Variants in RBM47 observed in about 807,000 individuals in gnomAD.
RBM47 encodes the protein RNA-binding protein 47.
Under a neutral mutation model 47.1 loss-of-function variants are expected in RBM47, and 21 were observed. That is an observed-to-expected ratio of 0.45 (90% CI 0.32 to 0.64). The LOEUF (loss-of-function observed/expected upper bound fraction) is 0.64, where lower values mean the gene tolerates loss of function less well. Among genes scored for constraint, RBM47 ranks in the 30% least tolerant of loss-of-function variants. The pLI is 0.05. For missense variants in RBM47, 708 were observed against 870.9 expected (o/e 0.81, Z 2.35); for synonymous variants, 375 against 361.7 (o/e 1.04, Z -0.42).
chr4:40,521,202 T>G (rs1384944827), intron 2 of RBM47, among the ~76,000 whole-genome samples: 2 of 152,194 alleles, frequency 1.3e-5, no homozygotes, highest in Non-Finnish European at 2.9e-5. Context: ...TAATTTTAAT[T>G]TTTTTGTTGC....
Position 40,436,449 on chromosome 4 carries a change from G to C in RBM47, c.1322C>G (p.Pro441Arg), listed in dbSNP as rs1414131782. ...ATCTGCTTCATACTGACCTGTACCA[G>C]GTTTAATGGCAACTGGGTTGACGGT... ...IPTVNPVAIKPGTVAIPAIGA... is the reference protein window; with the variant it reads ...IPTVNPVAIKRGTVAIPAIGA... The change falls in exon 5 of 7, where the codon CCT (proline) becomes CGT (arginine). Residue 441 changes from proline to arginine, a missense_variant. Pro to Arg is a moderately radical substitution (Grantham distance 103). Coordinates refer to ENST00000295971, the MANE Select transcript of RBM47 (RefSeq NM_001098634.2). 6.2e-7 allele frequency: 1 copy of C among 1,613,410 alleles called. No homozygotes were observed. The highest frequency in any genetic ancestry group is 8.5e-7 in the Non-Finnish European group (1 of 1,179,950).
intron 1 of RBM47, among the ~76,000 whole-genome samples, chr4:40,589,321 A>G (rs1733906368): frequency 2.6e-5 from 4 of 152,170 alleles, no homozygotes; most frequent in Non-Finnish European, 5.9e-5. Flanking sequence ...GTGTAAAATG[A>G]TTGTTGAAAT....
chr4:40,603,056 GTCAACT>G (rs199741084), intron 1 of RBM47, among the ~76,000 whole-genome samples: 1,964 of 152,226 alleles, frequency 0.013, 42 homozygotes, highest in African/African-American at 0.045. Flanking sequence ...GTACTCCTCA[GTCAACT>G]TTAACAAACT....
intron 2 of RBM47, among the ~76,000 whole-genome samples, chr4:40,498,696 G>A (rs879585454): frequency 1.4e-5 from 2 of 145,476 alleles, no homozygotes; most frequent in African/African-American, 5.1e-5. Context: ...AAAAAAAATT[G>A]TTAAGTATGA....
rs548787690 is a variant in RBM47 at position 40,609,987 on chromosome 4, G to A, written c.-240+19409C>T. On this transcript the variant is annotated intron_variant, in intron 1 of 6. Coordinates refer to ENST00000295971, the MANE Select transcript of RBM47 (RefSeq NM_001098634.2). ...CATGCCTGTAATCCCAGCTATTCAG[G>A]AGGCTGAGGCAGGAGAATTGCTTGA... Among the ~76,000 whole-genome samples the A allele has an allele frequency of 3.3e-5, 5 of 152,232 alleles. No individual in the cohort carries two copies. In the East Asian group the frequency reaches 9.7e-4, roughly 30 times the overall value.
chr4:40,571,614 T>G (rs569282226), intron 1 of RBM47, among the ~76,000 whole-genome samples: 1 of 152,038 alleles, frequency 6.6e-6, no homozygotes, highest in Non-Finnish European at 1.5e-5. Context: ...TAAAATTTTT[T>G]TTAAAAAATA....
At chr4:40,604,505 T>G (rs1405875605) in intron 1 of RBM47, among the ~76,000 whole-genome samples, 1 of 152,074 alleles carries the variant, frequency 6.6e-6, no homozygotes, top group African/African-American at 2.4e-5. Context: ...TACCTGCCTG[T>G]AGTCTCAGCT....
chr4:40,605,793 T>C (rs942357119), intron 1 of RBM47, among the ~76,000 whole-genome samples: 1 of 151,452 alleles, frequency 6.6e-6, no homozygotes, highest in Non-Finnish European at 1.5e-5. Flanking sequence ...ATCGCACCAC[T>C]GCACTCCAGC....
chr4:40,444,948 T>C (rs1039519306), intron 3 of RBM47, among the ~76,000 whole-genome samples: 4 of 150,400 alleles, frequency 2.7e-5, no homozygotes, highest in East Asian at 2.1e-4. Flanking sequence ...TGTGAGCCAC[T>C]GTGCCCGGCC....
intron 2 of RBM47, among the ~76,000 whole-genome samples, chr4:40,541,983 T>C (rs61336911): frequency 0.016 from 2,452 of 152,292 alleles, 68 homozygotes; most frequent in African/African-American, 0.055. Context: ...CAAAGAAATG[T>C]GGACACATTG....
intron 1 of RBM47, among the ~76,000 whole-genome samples, chr4:40,624,860 CTTTTTTT>C (rs1172791380): frequency 1.8e-4 from 22 of 119,608 alleles, no homozygotes; most frequent in East Asian, 7.4e-4. Context: ...TTTTCTTTTT[CTTTTTTT>C]TTTTTTTTTT....
intron 1 of RBM47, among the ~76,000 whole-genome samples, chr4:40,559,257 G>C (rs1730386419): frequency 6.6e-6 from 1 of 152,172 alleles, no homozygotes; most frequent in African/African-American, 2.4e-5. Context: ...TAGAAGGAGA[G>C]AGCCTAATAA....
Position 40,563,283 on chromosome 4 carries a change from G to A in RBM47, c.-239-18777C>T, listed in dbSNP as rs531926297. Among the ~76,000 whole-genome samples the A allele has an allele frequency of 2.6e-5, 4 of 152,286 alleles. No homozygotes were observed. In the South Asian group the frequency reaches 8.3e-4, roughly 32 times the overall value. On this transcript the variant is annotated intron_variant, in intron 1 of 6. Transcript: ENST00000295971. ...TCAGGGTTGTTGACCATTCAATTAGGCTAGCTCCACAGAAATCTGTTTTGC... is the reference window on the plus strand; with the variant it reads ...TCAGGGTTGTTGACCATTCAATTAGACTAGCTCCACAGAAATCTGTTTTGC...
Position 40,437,822 on chromosome 4 carries a change from C to T in RBM47, c.1072G>A (p.Gly358Ser), listed in dbSNP as rs149580961. Residue 358 changes from glycine (G) to serine (S), a missense_variant, in exon 4 of 7, where the codon GGC becomes AGC. By Grantham distance (56) the Gly-to-Ser change is moderately conservative. Coordinates refer to ENST00000295971, the MANE Select transcript of RBM47 (RefSeq NM_001098634.2). Reference sequence around the variant, plus strand: ...CCAATGAGCGCGTTGTAGGGGTAGCCGTAGTAGGCCAGTGTGTAGGGGTCG... The same window carrying T: ...CCAATGAGCGCGTTGTAGGGGTAGCTGTAGTAGGCCAGTGTGTAGGGGTCG... The part of the protein sequence containing the change: ...SCDPYTLAYY[G>S]YPYNALIGPN... 1.9e-6 allele frequency: 3 copies of T among 1,612,420 alleles called. No homozygotes were observed. The highest frequency in any genetic ancestry group is 2.5e-6 in the Non-Finnish European group (3 of 1,178,614).
chr4:40,504,881 C>A (rs756392595), intron 2 of RBM47, among the ~76,000 whole-genome samples: 1 of 152,202 alleles, frequency 6.6e-6, no homozygotes, highest in Non-Finnish European at 1.5e-5. Context: ...CTGCCAATGG[C>A]AGATTCTTTA....
intron 1 of RBM47, among the ~76,000 whole-genome samples, chr4:40,604,429 A>C (rs1183622597): frequency 6.6e-6 from 1 of 152,166 alleles, no homozygotes; most frequent in Non-Finnish European, 1.5e-5. Context: ...GTTTAAAACC[A>C]GCCTGGGCAA....
chr4:40,590,130 C>T (rs1212493130), intron 1 of RBM47, among the ~76,000 whole-genome samples: 3 of 152,120 alleles, frequency 2.0e-5, no homozygotes, highest in Non-Finnish European at 4.4e-5. Flanking sequence ...GGGAATAGGC[C>T]AGGTACTGAG....
chr4:40,537,094 T>C (rs1204189664), intron 2 of RBM47, among the ~76,000 whole-genome samples: 1 of 152,144 alleles, frequency 6.6e-6, no homozygotes, highest in African/African-American at 2.4e-5. Context: ...CCCACATGAA[T>C]GAACTAATTT....
At chr4:40,525,333 C>T (rs964909587) in intron 2 of RBM47, among the ~76,000 whole-genome samples, 2 of 152,140 alleles carry the variant, frequency 1.3e-5, no homozygotes. Flanking sequence ...ATTAGCACAC[C>T]TGTAGTCCCA....
Sources: allele counts gnomAD v4.1 joint callset (sites outside exome capture counted in the v4.1 genomes callset), GRCh38; gene constraint gnomAD v4.1.1; transcripts MANE v1.5; gene names NCBI Gene and HGNC (gene_info 2026-07-23, HGNC 2026-07-21).